Variants in INPP5A observed in about 807,000 individuals in gnomAD.
The protein encoded by INPP5A is 43 kDa inositol polyphosphate 5-phophatase.
Under a neutral mutation model 65.2 loss-of-function variants are expected in INPP5A, and 14 were observed. The observed-to-expected ratio is 0.21, with a 90% confidence interval of 0.14 to 0.34. INPP5A has a LOEUF of 0.34. Ranked by LOEUF, INPP5A falls within the 10% of genes least tolerant of loss-of-function variation. The probability of loss-of-function intolerance (pLI) is 1.00; values close to 1 mark genes in which losing one functional copy is unlikely to be tolerated. For synonymous variants in INPP5A, 207 were observed against 208.3 expected (o/e 0.99, Z 0.05); for missense variants, 431 against 545.6 (o/e 0.79, Z 2.09).
intron 1 of INPP5A, among the ~76,000 whole-genome samples, chr10:132,570,829 G>A (rs1307139146): frequency 6.6e-6 from 1 of 152,314 alleles, no homozygotes; most frequent in South Asian, 2.1e-4. Flanking sequence ...GGAGGTGGGG[G>A]TGTTCTGTGC....
At chr10:132,605,493 G>A (rs1331112741) in intron 1 of INPP5A, among the ~76,000 whole-genome samples, 4 of 150,692 alleles carry the variant, frequency 2.7e-5, no homozygotes, top group African/African-American at 7.3e-5. Flanking sequence ...AAGGGGCTGG[G>A]GATGGGGAGG....
chr10:132,583,810 A>C (rs542566847), intron 1 of INPP5A, among the ~76,000 whole-genome samples: 110 of 152,338 alleles, frequency 7.2e-4, no homozygotes, highest in Middle Eastern at 3.4e-3. Flanking sequence ...GGCCAGGCAC[A>C]GTGGTTTATT....
chr10:132,576,283 TC>T (rs2071411536), intron 1 of INPP5A, among the ~76,000 whole-genome samples: 1 of 152,178 alleles, frequency 6.6e-6, no homozygotes, highest in Non-Finnish European at 1.5e-5. Context: ...TCTGTCTGCT[TC>T]CTGAGGCTCA....
At chr10:132,649,573 G>T (rs531163530) in intron 3 of INPP5A, among the ~76,000 whole-genome samples, 52 of 152,286 alleles carry the variant, frequency 3.4e-4, no homozygotes, top group African/African-American at 1.2e-3. Flanking sequence ...TCTTTGCCTT[G>T]CCCTTCTCTA....
At chr10:132,643,369 C>T (rs1324387442) in intron 2 of INPP5A, among the ~76,000 whole-genome samples, 1 of 152,094 alleles carries the variant, frequency 6.6e-6, no homozygotes, top group Non-Finnish European at 1.5e-5. Context: ...GATGTGGGGA[C>T]TCACACCTGT....
chr10:132,699,551 G>A (rs2134503911), intron 6 of INPP5A, among the ~76,000 whole-genome samples: 1 of 152,262 alleles, frequency 6.6e-6, no homozygotes, highest in South Asian at 2.1e-4. Flanking sequence ...TCCCCACCAG[G>A]TGTCCACTTA....
intron 1 of INPP5A, among the ~76,000 whole-genome samples, chr10:132,604,069 G>A (rs1186230729): frequency 1.9e-4 from 27 of 141,932 alleles, no homozygotes; most frequent in African/African-American, 5.4e-4. Context: ...GCCCTGTGCC[G>A]TCAGGGTCCC....
Position 132,740,369 on chromosome 10 carries a change from G to A in INPP5A, c.733-9148G>A, listed in dbSNP as rs73387009. Among the ~76,000 whole-genome samples the A allele has an allele frequency of 5.9e-3, 901 of 152,202 alleles. 3 individuals carry two copies. Among genetic ancestry groups the A allele is most frequent in the African/African-American group, 0.021 (866 of 41,504 alleles). On this transcript the variant is annotated intron_variant, in intron 9 of 15. Coordinates refer to ENST00000368594, the MANE Select transcript of INPP5A (RefSeq NM_005539.5). ...GGCACGTTCAGGGCAGGAGCGGTGG[G>A]AGCCTCTTAGTGAATTCTCCTTTCA...
At chr10:132,729,278 T>G (rs1846040472) in intron 9 of INPP5A, among the ~76,000 whole-genome samples, 1 of 152,194 alleles carries the variant, frequency 6.6e-6, no homozygotes, top group African/African-American at 2.4e-5. Flanking sequence ...CCACATCTTC[T>G]CCTGCATCAC....
At chr10:132,781,993 C>T (rs1242199600) in intron 15 of INPP5A, 44 bp from the exon 16 acceptor site, 1 of 1,611,598 alleles carries the variant, frequency 6.2e-7, no homozygotes, top group Non-Finnish European at 8.5e-7. Context: ...CGCAGCTTTT[C>T]CTGGTGCGTT....
At chr10:132,754,879 A>G (rs1292477922) in intron 11 of INPP5A, among the ~76,000 whole-genome samples, 1 of 152,132 alleles carries the variant, frequency 6.6e-6, no homozygotes, top group Middle Eastern at 3.2e-3. Flanking sequence ...GTGCGTGGAT[A>G]TGTGTGTGAG....
chr10:132,746,378 G>A (rs921552684), intron 9 of INPP5A, among the ~76,000 whole-genome samples: 2 of 152,240 alleles, frequency 1.3e-5, no homozygotes, highest in Non-Finnish European at 2.9e-5. Flanking sequence ...AGTTGAGGGG[G>A]TGATGGGACA....
intron 1 of INPP5A, among the ~76,000 whole-genome samples, chr10:132,544,379 T>C (rs973687328): frequency 1.3e-5 from 2 of 152,156 alleles, no homozygotes; most frequent in Non-Finnish European, 1.5e-5. Flanking sequence ...CGGCCTGTGG[T>C]CTGCAGGTGC....
intron 8 of INPP5A, among the ~76,000 whole-genome samples, chr10:132,721,123 A>G (rs1325564316): frequency 7.2e-6 from 1 of 139,264 alleles, no homozygotes; most frequent in Non-Finnish European, 1.5e-5. Flanking sequence ...GACTGTCTTC[A>G]GGGTTCTGTG....
rs560382165 is a variant in INPP5A, at chr10:132,675,524, G to A, written c.307-14868G>A. ...CCTGCAGTGTAAAACACGGAGAGAAGTGCGGTTGAGCATGGGGGTGGGTGC... is the reference window on the plus strand; with the variant it reads ...CCTGCAGTGTAAAACACGGAGAGAAATGCGGTTGAGCATGGGGGTGGGTGC... On this transcript the variant is annotated intron_variant, in intron 4 of 15. Coordinates refer to ENST00000368594, the MANE Select transcript of INPP5A (RefSeq NM_005539.5). This position sits in a 1 kb window ranked among gnomAD's most constrained non-coding sequence, Gnocchi z 4.2. 6.6e-6 allele frequency among the ~76,000 whole-genome samples: 1 copy of A among 152,344 alleles called. No individual in the cohort carries two copies. Among genetic ancestry groups the A allele is most frequent in the Admixed American group, 6.5e-5 (1 of 15,306 alleles).
intron 2 of INPP5A, among the ~76,000 whole-genome samples, chr10:132,642,727 G>T (rs1439956019): frequency 6.6e-6 from 1 of 152,108 alleles, no homozygotes; most frequent in Non-Finnish European, 1.5e-5. Context: ...TAAATTAGTG[G>T]GACCGTTTGT....
Position 132,726,900 on chromosome 10 carries a change from G to A in INPP5A, c.727G>A (p.Val243Met). ...CTTCCGGCTGGATTCCAAGTCCGTC[G>A]TGGAGGTAGGCGCTGGCTTCCCTCC... ...FNFRLDSKSV[V>M]ETLCTKATMQ... Residue 243 changes from valine (V) to methionine (M), a missense_variant, in exon 9 of 16, where the codon GTG (valine) becomes ATG (methionine). Transcript: ENST00000368594. The A allele has an allele frequency of 6.2e-7, 1 of 1,606,890 alleles. No homozygotes were observed. The highest frequency in any genetic ancestry group is 1.7e-5 in the Admixed American group (1 of 59,662).
rs2070976930 is a variant in INPP5A at position 132,546,668 on chromosome 10, C to T, written c.75+8497C>T. Among the ~76,000 whole-genome samples the T allele has an allele frequency of 6.6e-6, 1 of 152,166 alleles. No homozygotes were observed. Among genetic ancestry groups the T allele is most frequent in the Non-Finnish European group, 1.5e-5 (1 of 68,022 alleles). On this transcript the variant is annotated intron_variant, in intron 1 of 15. Coordinates refer to ENST00000368594, the MANE Select transcript of INPP5A (RefSeq NM_005539.5). The surrounding 1 kb of genome is among the most constrained non-coding windows in gnomAD (Gnocchi z 5.7). ...TCCTGGGCGTCTCTGTGTGGGGTCT[C>T]CTGGCTCCTGCAGATCTGTGTAGCC... is the stretch of plus-strand genomic sequence containing the variant.
intron 4 of INPP5A, among the ~76,000 whole-genome samples, chr10:132,682,363 G>A (rs1044325433): frequency 3.9e-5 from 6 of 152,250 alleles, no homozygotes; most frequent in African/African-American, 1.4e-4. Context: ...CCACTGACCT[G>A]CTCACCTGAA....
Sources: allele counts gnomAD v4.1 joint callset (sites outside exome capture counted in the v4.1 genomes callset), GRCh38; gene constraint gnomAD v4.1.1; non-coding constraint Gnocchi (gnomAD v3.1); transcripts MANE v1.5; gene names NCBI Gene and HGNC (gene_info 2026-07-23, HGNC 2026-07-21).